MKLN1: variants seen among roughly 807,000 people sequenced by gnomAD.
MKLN1 encodes the protein muskelin 1.
A neutral mutation model predicts 99.0 loss-of-function variants in MKLN1; 18 were observed. The observed-to-expected ratio is 0.18, with a 90% CI of 0.13 to 0.27. The LOEUF (loss-of-function observed/expected upper bound fraction) is 0.27, where lower values mean the gene tolerates loss of function less well. Ranked by LOEUF, MKLN1 falls within the 10% of genes least tolerant of loss-of-function variation. MKLN1 has a pLI of 1.00. For synonymous variants in MKLN1, 288 were observed against 293.2 expected (o/e 0.98, Z 0.18); for missense variants, 621 against 875.9 (o/e 0.71, Z 3.67).
rs1412337149 is a variant in MKLN1, at chr7:131,352,345, T to C, written c.99-23079T>C. On this transcript the variant is annotated intron_variant, in intron 1 of 17. Coordinates refer to ENST00000352689, the MANE Select transcript of MKLN1 (RefSeq NM_013255.5). ...TTTAGTCGAAGAATGATGTTCAGAG[T>C]GCATAATTGGAAAATGGAGATACTT... 3.3e-5 allele frequency among the ~76,000 whole-genome samples: 5 copies of C among 152,124 alleles called. No homozygotes were observed. The East Asian group carries it at 9.6e-4, about 29-fold the overall frequency.
intron 9 of MKLN1, among the ~76,000 whole-genome samples, chr7:131,435,358 C>G (rs1442619414): frequency 1.3e-5 from 2 of 152,126 alleles, no homozygotes; most frequent in Non-Finnish European, 2.9e-5. Flanking sequence ...TCCTTCTTCC[C>G]CTTCTCTTCC....
intron 2 of MKLN1, among the ~76,000 whole-genome samples, chr7:131,148,160 C>T (rs1030177343): frequency 1.3e-5 from 2 of 152,040 alleles, no homozygotes; most frequent in African/African-American, 2.4e-5. Flanking sequence ...GTCATCCTCC[C>T]GCCTCAGCTT....
intron 1 of MKLN1, among the ~76,000 whole-genome samples, chr7:131,115,544 T>C (rs1181674044): frequency 6.6e-6 from 1 of 152,088 alleles, no homozygotes; most frequent in Non-Finnish European, 1.5e-5. Context: ...ATAAATCAGA[T>C]CATGTGATTT....
intron 3 of MKLN1, among the ~76,000 whole-genome samples, chr7:131,220,999 T>A (rs961046319): frequency 6.6e-6 from 1 of 152,220 alleles, no homozygotes; most frequent in Non-Finnish European, 1.5e-5. Flanking sequence ...CCTGTGTGGG[T>A]AGTTTCATGC....
chr7:131,253,834 A>C, intron 3 of MKLN1, among the ~76,000 whole-genome samples: 1 of 152,200 alleles, frequency 6.6e-6, no homozygotes, highest in East Asian at 1.9e-4. Context: ...AAGTAAGAAG[A>C]AGCTGGTAGC....
At position 131,294,665 on chromosome 7, in the gene MKLN1, CTG is replaced by C. The variant is rs1472966488; in HGVS notation, c.-178-80757_-178-80756del. Among the ~76,000 whole-genome samples, 11 of 152,330 alleles carry C rather than the reference CTG, an allele frequency of 7.2e-5. No individual in the cohort carries two copies. In the East Asian group the frequency reaches 2.1e-3, roughly 29 times the overall value. On this transcript the variant is annotated intron_variant, in intron 3 of 7. Coordinates refer to the MKLN1 transcript ENST00000416992. ...AGGGGGCTTCTCTCAGCCTGAGAAA[CTG>C]TACACAAGCTCATCTTCCCAAGGGA...
At chr7:131,452,391 A>G (rs1563356099) in intron 12 of MKLN1, among the ~76,000 whole-genome samples, 1 of 152,140 alleles carries the variant, frequency 6.6e-6, no homozygotes, top group African/African-American at 2.4e-5. Context: ...ACATCTACAG[A>G]ACTTGATTTA....
intron 3 of MKLN1, among the ~76,000 whole-genome samples, chr7:131,277,160 G>A (rs149955355): frequency 6.6e-6 from 1 of 152,252 alleles, no homozygotes; most frequent in Admixed American, 6.5e-5. Flanking sequence ...TAATGGAAGG[G>A]GAAGGGAACG....
intron 1 of MKLN1, among the ~76,000 whole-genome samples, chr7:131,116,739 T>C (rs1795283699): frequency 6.6e-6 from 1 of 152,034 alleles, no homozygotes; most frequent in Admixed American, 6.6e-5. Flanking sequence ...AAACAGATTG[T>C]AGTCAAAGAA....
intron 14 of MKLN1, among the ~76,000 whole-genome samples, chr7:131,464,854 T>C (rs762031012): frequency 2.0e-5 from 3 of 152,242 alleles, no homozygotes; most frequent in Non-Finnish European, 4.4e-5. Context: ...TAAATCAGCC[T>C]TGTGAAATGG....
rs1289598982 is a variant in MKLN1, at chr7:131,491,622, ATACGAAGCTGACTAGCT to A, written c.*3899_*3915del. 1.3e-5 allele frequency: 2 copies of A among 152,234 alleles called. No homozygotes were observed. The highest frequency in any genetic ancestry group is 4.8e-5 in the African/African-American group (2 of 41,458). 9.4% of individuals were successfully genotyped at this position (152,234 alleles called of 1,614,324 possible). A position where few individuals can be genotyped will look rare whatever the true frequency, so the allele number is the denominator to read the frequency against. On this transcript the variant is annotated 3_prime_UTR_variant, in exon 18 of 18. Transcript: ENST00000352689. ...AGACATTTCCAAGTTTGTTGAAATA[ATACGAAGCTGACTAGCT>A]TACGTGAATGATGTTGCCCTCATTT...
chr7:131,160,941 T>A (rs1041700180), intron 2 of MKLN1, among the ~76,000 whole-genome samples: 5 of 152,164 alleles, frequency 3.3e-5, no homozygotes, highest in Non-Finnish European at 7.3e-5. Flanking sequence ...AAATGTCCTA[T>A]CCTGTCCTAT....
At chr7:131,397,708 G>C (rs1016022665) in intron 5 of MKLN1, among the ~76,000 whole-genome samples, 4 of 152,012 alleles carry the variant, frequency 2.6e-5, no homozygotes, top group African/African-American at 9.7e-5. Flanking sequence ...TCCACAGTCT[G>C]CTTTTATGTT....
chr7:131,292,032 A>C (rs974465543), intron 3 of MKLN1, among the ~76,000 whole-genome samples: 2 of 152,112 alleles, frequency 1.3e-5, no homozygotes, highest in African/African-American at 4.8e-5. Flanking sequence ...GCTTGAGCAT[A>C]GGAGTTTGAG....
At chr7:131,113,510 G>A (rs1768682988) in intron 1 of MKLN1, among the ~76,000 whole-genome samples, 1 of 152,082 alleles carries the variant, frequency 6.6e-6, no homozygotes, top group African/African-American at 2.4e-5. Context: ...ATAGTGAACT[G>A]ATCAAATGTT....
chr7:131,126,656 C>T (rs774350553), intron 1 of MKLN1, among the ~76,000 whole-genome samples: 14 of 152,148 alleles, frequency 9.2e-5, no homozygotes, highest in Non-Finnish European at 1.8e-4. Flanking sequence ...CGGGTTCAAG[C>T]AATTCTCCTG....
intron 3 of MKLN1, among the ~76,000 whole-genome samples, chr7:131,206,555 T>A (rs1326603062): frequency 6.7e-6 from 1 of 149,490 alleles, no homozygotes. Context: ...TTATTATTGT[T>A]ATTATTATTA....
At chr7:131,115,118 A>G (rs1369861246) in intron 1 of MKLN1, among the ~76,000 whole-genome samples, 1 of 152,140 alleles carries the variant, frequency 6.6e-6, no homozygotes, top group Non-Finnish European at 1.5e-5. Context: ...CTTTTATATA[A>G]GAAGGACTAA....
intron 13 of MKLN1, among the ~76,000 whole-genome samples, chr7:131,463,626 C>G (rs564648568): frequency 6.6e-6 from 1 of 152,272 alleles, no homozygotes; most frequent in South Asian, 2.1e-4. Flanking sequence ...GTTCCGTTCT[C>G]AAGTAGATGT....
Sources: gnomAD v4.1 joint callset for allele counts (sites outside exome capture counted in the v4.1 genomes callset) on GRCh38, gnomAD v4.1.1 for gene constraint, MANE v1.5 for transcripts, NCBI Gene and HGNC (gene_info 2026-07-23, HGNC 2026-07-21) for gene names.